SYNPR: variants seen among roughly 807,000 people sequenced by gnomAD.
The protein encoded by SYNPR is synaptoporin.
In SYNPR, 23 loss-of-function variants were observed where a neutral mutation model predicts 32.9. The ratio of observed to expected loss-of-function variants is 0.70; its 90% CI spans 0.50 to 0.99. The LOEUF is 0.99. Among genes scored for constraint, SYNPR ranks in the 50% least tolerant of loss-of-function variants. The pLI, the probability that SYNPR is intolerant of heterozygous loss-of-function variation, is 0.00. For missense variants in SYNPR, 318 were observed against 349.3 expected (o/e 0.91, Z 0.71); for synonymous variants, 146 against 135.9 (o/e 1.07, Z -0.52).
At chr3:63,285,074 C>G (rs991983075) in intron 2 of SYNPR, among the ~76,000 whole-genome samples, 1 of 152,170 alleles carries the variant, frequency 6.6e-6, no homozygotes, top group South Asian at 2.1e-4. Context: ...ATATCTTATC[C>G]CTGATCCTCA....
chr3:63,481,940 A>T (rs1483861031), intron 3 of SYNPR, among the ~76,000 whole-genome samples: 1 of 152,154 alleles, frequency 6.6e-6, no homozygotes, highest in East Asian at 1.9e-4. Context: ...TCCCACTAAG[A>T]GATGTGGCAG....
intron 2 of SYNPR, chr3:63,445,685 C>T (rs572030549): frequency 2.7e-4 from 148 of 539,064 alleles, no homozygotes; most frequent in Non-Finnish European, 4.6e-4. Context: ...CTCCATTTTA[C>T]AGATGAGAAA....
rs149364718 is a variant in SYNPR at position 63,372,246 on chromosome 3, C to T, written c.84+93504C>T. ...CACCATAGACAAGAGTCCAGTCACT[C>T]CTCCCTGTGAGCCTTCCACCCCCTG... On this transcript the variant is annotated intron_variant, in intron 2 of 5. Coordinates refer to ENST00000478300, the MANE Select transcript of SYNPR (RefSeq NM_001130003.2). Among the ~76,000 whole-genome samples the T allele has an allele frequency of 2.4e-4, 37 of 152,200 alleles. 1 individual carries two copies. In the Middle Eastern group the frequency reaches 0.014, roughly 56 times the overall value.
intron 1 of SYNPR, among the ~76,000 whole-genome samples, chr3:63,244,914 G>A (rs2086273297): frequency 6.6e-6 from 1 of 152,062 alleles, no homozygotes; most frequent in Admixed American, 6.6e-5. Context: ...CAGTTCACAT[G>A]ACTGGTCTGC....
At chr3:63,611,679 CTTTA>C (rs1159463943) in intron 5 of SYNPR, among the ~76,000 whole-genome samples, 1 of 152,204 alleles carries the variant, frequency 6.6e-6, no homozygotes, top group African/African-American at 2.4e-5. Flanking sequence ...TCAGGTGAAA[CTTTA>C]TTTCTTTTTT....
intron 2 of SYNPR, among the ~76,000 whole-genome samples, chr3:63,410,616 A>G (rs2088450681): frequency 6.6e-6 from 1 of 152,046 alleles, no homozygotes; most frequent in Admixed American, 6.5e-5. Flanking sequence ...TAAACACCCT[A>G]TTATGTTTGC....
At chr3:63,249,844 G>A (rs1447935832) in intron 1 of SYNPR, among the ~76,000 whole-genome samples, 1 of 152,114 alleles carries the variant, frequency 6.6e-6, no homozygotes. Context: ...TATATTGATT[G>A]CATGCCTTGC....
chr3:63,440,785 C>T (rs960292017), intron 2 of SYNPR, among the ~76,000 whole-genome samples: 3 of 152,032 alleles, frequency 2.0e-5, no homozygotes, highest in Admixed American at 6.5e-5. Flanking sequence ...CAGAGCAAAC[C>T]GCTAGCAAAC....
intron 3 of SYNPR, among the ~76,000 whole-genome samples, chr3:63,488,528 G>A (rs1011912330): frequency 2.0e-5 from 3 of 152,074 alleles, no homozygotes; most frequent in African/African-American, 7.2e-5. Flanking sequence ...AAGCACGCTG[G>A]GCCCATAACC....
chr3:63,560,441 C>T (rs897163885), intron 4 of SYNPR, among the ~76,000 whole-genome samples: 2 of 152,272 alleles, frequency 1.3e-5, no homozygotes, highest in South Asian at 4.1e-4. Flanking sequence ...AGCAAGGTCT[C>T]AAGAGGGTAG....
At chr3:63,454,212 G>C (rs1265386556) in intron 2 of SYNPR, among the ~76,000 whole-genome samples, 1 of 151,986 alleles carries the variant, frequency 6.6e-6, no homozygotes, top group Non-Finnish European at 1.5e-5. Flanking sequence ...AAAGGGGATG[G>C]GCTGTTCTTT....
chr3:63,402,765 C>G (rs538368134), intron 2 of SYNPR, among the ~76,000 whole-genome samples: 1 of 152,356 alleles, frequency 6.6e-6, no homozygotes, highest in Admixed American at 6.5e-5. Context: ...TCCCCAGTTC[C>G]TGGTACAGAG....
chr3:63,218,283 C>T, the SYNPR span, among the ~76,000 whole-genome samples: 1 of 152,214 alleles, frequency 6.6e-6, no homozygotes, highest in Non-Finnish European at 1.5e-5. Flanking sequence ...ATATAATCCA[C>T]ACCAGCGTTT....
upstream of SYNPR, among the ~76,000 whole-genome samples, chr3:63,275,916 G>T (rs2086570180): frequency 6.6e-6 from 1 of 152,116 alleles, no homozygotes; most frequent in Non-Finnish European, 1.5e-5. Context: ...CGAACCTAGG[G>T]TGAAATTTTG....
chr3:63,583,846 C>G (rs554828870), intron 4 of SYNPR, among the ~76,000 whole-genome samples: 4 of 152,148 alleles, frequency 2.6e-5, no homozygotes, highest in South Asian at 4.1e-4. Context: ...CTCAATAGTT[C>G]TGACTGCAGA....
chr3:63,547,814 A>G (rs1702435451), intron 3 of SYNPR, among the ~76,000 whole-genome samples: 1 of 152,176 alleles, frequency 6.6e-6, no homozygotes, highest in African/African-American at 2.4e-5. Flanking sequence ...CCTACTTCAA[A>G]AAGTCTCCTT....
At chr3:63,603,620 A>G (rs1700075968) in intron 4 of SYNPR, among the ~76,000 whole-genome samples, 1 of 152,066 alleles carries the variant, frequency 6.6e-6, no homozygotes, top group African/African-American at 2.4e-5. Flanking sequence ...TTTTATTTTT[A>G]GTTCTGTTAA....
intron 2 of SYNPR, among the ~76,000 whole-genome samples, chr3:63,430,361 TAC>T (rs3083163): frequency 0.019 from 2,807 of 148,140 alleles, 65 homozygotes; most frequent in East Asian, 0.057. Flanking sequence ...ACACTGAGAA[TAC>T]ACACACACAC....
intron 2 of SYNPR, among the ~76,000 whole-genome samples, chr3:63,452,406 A>G (rs750039284): frequency 5.9e-5 from 9 of 152,200 alleles, no homozygotes; most frequent in Non-Finnish European, 1.3e-4. Context: ...TTTTATGCAT[A>G]TTAATTCATT....
Sources: allele counts gnomAD v4.1 joint callset (sites outside exome capture counted in the v4.1 genomes callset), GRCh38; gene constraint gnomAD v4.1.1; transcripts MANE v1.5; gene names NCBI Gene and HGNC (gene_info 2026-07-23, HGNC 2026-07-21).